The following CCDC68 variants were observed in gnomAD, a reference collection of about 807,000 sequenced individuals.
CCDC68 encodes the protein coiled-coil domain-containing protein 68.
A neutral mutation model predicts 47.1 loss-of-function variants in CCDC68; 45 were observed. The observed-to-expected ratio is 0.96, with a 90% CI of 0.75 to 1.23. The LOEUF is 1.23. Ranked by LOEUF, CCDC68 falls within the 50% of genes most tolerant of loss-of-function variation. CCDC68 has a pLI of 0.00. For synonymous variants in CCDC68, 131 were observed against 129.5 expected, an observed-to-expected ratio of 1.01 and a Z score of -0.08; for missense variants, 353 against 373.6, an observed-to-expected ratio of 0.94 and a Z score of 0.45.
chr18:54,934,790 A>G (rs770738100), intron 7 of CCDC68, 30 bp downstream of exon 7: 12 of 1,404,868 alleles, frequency 8.5e-6, no homozygotes, highest in Middle Eastern at 1.9e-4. Context: ...GCTGTCAGTA[A>G]GAAAATCCTC....
chr18:54,957,132 T>G (rs2044724967), intron 1 of CCDC68, among the ~76,000 whole-genome samples: 1 of 152,218 alleles, frequency 6.6e-6, no homozygotes, highest in Non-Finnish European at 1.5e-5. Context: ...AAGTTTAGTT[T>G]TTATTTAATT....
intron 11 of CCDC68, among the ~76,000 whole-genome samples, chr18:54,905,621 A>G (rs1913957773): frequency 6.6e-6 from 1 of 152,186 alleles, no homozygotes; most frequent in African/African-American, 2.4e-5. Context: ...TTGTGAATCC[A>G]GATTTACCAA....
intron 6 of CCDC68, among the ~76,000 whole-genome samples, chr18:54,935,605 G>A (rs2044330457): frequency 6.6e-6 from 1 of 152,166 alleles, no homozygotes; most frequent in African/African-American, 2.4e-5. Flanking sequence ...ACATTACAGG[G>A]ATGCACACTT....
At chr18:54,937,165 C>A in intron 5 of CCDC68, 1 of 536,526 alleles carries the variant, frequency 1.9e-6, no homozygotes, top group Non-Finnish European at 3.3e-6. Flanking sequence ...GTTGAACAGG[C>A]AGATTTGCCA....
chr18:54,919,090 T>C (rs549182215), intron 9 of CCDC68, among the ~76,000 whole-genome samples, 181 bp downstream of exon 9: 2 of 152,260 alleles, frequency 1.3e-5, no homozygotes, highest in East Asian at 1.9e-4. Context: ...GCATTACAGG[T>C]GTTTTTGTTA....
Position 54,914,393 on chromosome 18 carries a change from G to A in CCDC68, c.873+3520C>T, listed in dbSNP as rs376569870. ...AGCACTTTGGGAGGCTGAGACAGGA[G>A]GATCACCTGAGGTCAGGGGTTCGAG... On this transcript the variant is annotated intron_variant, in intron 10 of 11. Transcript: ENST00000591504. Among the ~76,000 whole-genome samples the A allele has an allele frequency of 1.6e-4, 24 of 152,206 alleles. 1 individual carries two copies. Among genetic ancestry groups the A allele is most frequent in the Admixed American group, 1.4e-3 (21 of 15,292 alleles).
intron 9 of CCDC68, among the ~76,000 whole-genome samples, chr18:54,918,676 G>A (rs1348750081): frequency 6.6e-6 from 1 of 152,218 alleles, no homozygotes; most frequent in African/African-American, 2.4e-5. Context: ...AGGCTCTGGA[G>A]TATTTGGGAG....
intron 1 of CCDC68, among the ~76,000 whole-genome samples, chr18:54,953,742 A>G (rs1008236987): frequency 6.6e-6 from 1 of 152,222 alleles, no homozygotes; most frequent in African/African-American, 2.4e-5. Flanking sequence ...ATTAAAGGTG[A>G]TAAAGTAGAA....
chr18:54,949,107 C>G (rs905159559), intron 1 of CCDC68, among the ~76,000 whole-genome samples: 4 of 152,192 alleles, frequency 2.6e-5, no homozygotes, highest in Non-Finnish European at 5.9e-5. Flanking sequence ...GATTCTCGTG[C>G]CTCAGCTTCC....
At chr18:54,929,503 A>G (rs2044206992) in intron 7 of CCDC68, among the ~76,000 whole-genome samples, 1 of 152,256 alleles carries the variant, frequency 6.6e-6, no homozygotes, top group Non-Finnish European at 1.5e-5. Context: ...AAAGGAAAAC[A>G]GACAAGACCA....
chr18:54,910,847 G>T (rs1206146229), intron 10 of CCDC68, among the ~76,000 whole-genome samples: 1 of 152,244 alleles, frequency 6.6e-6, no homozygotes, highest in Non-Finnish European at 1.5e-5. Flanking sequence ...TTTGCTCCGA[G>T]ATTGGGGAGG....
intron 10 of CCDC68, among the ~76,000 whole-genome samples, chr18:54,917,479 C>T (rs1461430909): frequency 3.9e-5 from 6 of 151,978 alleles, no homozygotes; most frequent in Non-Finnish European, 7.4e-5. Context: ...CTGGAAAATC[C>T]GAATGAACTT....
At chr18:54,917,840 G>GAC (rs59686916) in intron 10 of CCDC68, 73 bp downstream of exon 10, 85,838 of 716,800 alleles carry the variant, frequency 0.12, 1,334 homozygotes, top group South Asian at 0.17. Context: ...CACGTGCACA[G>GAC]ACACACACAC....
chr18:54,904,527 CTGCTTTGTTCTAAGAGATGTGT>C, intron 11 of CCDC68, 112 bp from the exon 12 acceptor site: 2 of 788,708 alleles, frequency 2.5e-6, no homozygotes, highest in South Asian at 3.4e-5. Context: ...TCTGAACTAA[CTGCTTTGTTCTAAGAGATGTGT>C]TAATAGATGT....
intron 11 of CCDC68, among the ~76,000 whole-genome samples, chr18:54,906,649 C>T (rs546967770): frequency 1.3e-5 from 2 of 152,192 alleles, no homozygotes; most frequent in Non-Finnish European, 2.9e-5. Context: ...TAGAATGTCA[C>T]GCTTGCCCTC....
chr18:54,942,190 CAT>C (rs2044449704), intron 3 of CCDC68, among the ~76,000 whole-genome samples: 2 of 152,192 alleles, frequency 1.3e-5, no homozygotes, highest in South Asian at 4.1e-4. Flanking sequence ...TTTGGATTCT[CAT>C]AAGACTTCAC....
intron 8 of CCDC68, among the ~76,000 whole-genome samples, chr18:54,920,298 G>A (rs1408723638): frequency 2.8e-5 from 4 of 145,132 alleles, no homozygotes; most frequent in Non-Finnish European, 5.9e-5. Flanking sequence ...TTACTCTGTC[G>A]CCCAGGCTGG....
intron 10 of CCDC68, 104 bp downstream of exon 10, chr18:54,917,809 G>C: frequency 1.4e-6 from 1 of 712,268 alleles, no homozygotes; most frequent in South Asian, 1.6e-5. Flanking sequence ...TCATACACAG[G>C]CTCACTGATA....
intron 1 of CCDC68, among the ~76,000 whole-genome samples, chr18:54,946,856 A>G (rs2044536981): frequency 6.6e-6 from 1 of 151,832 alleles, no homozygotes; most frequent in African/African-American, 2.4e-5. Context: ...AATGCCTGCT[A>G]GCAGAAGGCA....
Sources: gnomAD v4.1 joint callset for allele counts (sites outside exome capture counted in the v4.1 genomes callset) on GRCh38, gnomAD v4.1.1 for gene constraint, MANE v1.5 for transcripts, NCBI Gene and HGNC (gene_info 2026-07-23, HGNC 2026-07-21) for gene names.